SFXN1: variants seen among roughly 807,000 people sequenced by gnomAD.
The protein encoded by SFXN1 is sideroflexin 1.
In SFXN1, 32 loss-of-function variants were observed where a neutral mutation model predicts 39.5. The observed-to-expected ratio is 0.81, with a 90% confidence interval of 0.61 to 1.09. SFXN1 has a LOEUF of 1.09. Ranked by LOEUF, SFXN1 falls within the 50% of genes least tolerant of loss-of-function variation. The pLI is 0.00. For missense variants in SFXN1, 402 were observed against 407.1 expected, an observed-to-expected ratio of 0.99 and a Z score of 0.11; for synonymous variants, 136 against 146.5, an observed-to-expected ratio of 0.93 and a Z score of 0.52.
intron 10 of SFXN1, among the ~76,000 whole-genome samples, chr5:175,524,625 A>T (rs1369072541): frequency 1.3e-5 from 2 of 151,918 alleles, no homozygotes; most frequent in African/African-American, 4.8e-5. Context: ...ACTTAAAAAA[A>T]AAAAAGCACA....
intron 1 of SFXN1, among the ~76,000 whole-genome samples, chr5:175,481,205 TG>T (rs1436315741): frequency 1.3e-5 from 2 of 152,258 alleles, no homozygotes; most frequent in Non-Finnish European, 2.9e-5. Context: ...TTTTTTTAAC[TG>T]TAATAACATC....
In SFXN1 at chr5:175,527,464, T is replaced by C; in HGVS notation, c.*730T>C. ...ATAATCTTACCTTGCAGTTATTGACTTTATATTCAATTATTTACATCAAAT... is the reference window on the plus strand; with the variant it reads ...ATAATCTTACCTTGCAGTTATTGACCTTATATTCAATTATTTACATCAAAT... On this transcript the variant is annotated 3_prime_UTR_variant, in exon 11 of 11. Transcript: ENST00000321442. 6.6e-6 allele frequency: 1 copy of C among 152,266 alleles called. No individual in the cohort carries two copies. Among genetic ancestry groups the C allele is most frequent in the East Asian group, 1.9e-4 (1 of 5,202 alleles). The allele number at this position is 152,266 out of a possible 1,614,324, so 9.4% of individuals were successfully genotyped here.
At chr5:175,521,853 ATCAGAAGATATTGCC>A in intron 8 of SFXN1, 51 bp from the exon 9 acceptor site, 2 of 1,273,872 alleles carry the variant, frequency 1.6e-6, no homozygotes. Flanking sequence ...CTTCCAGTTA[ATCAGAAGATATTGCC>A]TCTAAGACCC....
intron 2 of SFXN1, among the ~76,000 whole-genome samples, chr5:175,495,777 A>C (rs530178143): frequency 6.6e-6 from 1 of 152,068 alleles, no homozygotes; most frequent in African/African-American, 2.4e-5. Flanking sequence ...CGAATCTTTT[A>C]CTACAATAAA....
rs1022660556 is a variant in SFXN1, at chr5:175,516,678, T to G, written c.774+15T>G. The G allele has an allele frequency of 5.0e-6, 8 of 1,610,312 alleles. No homozygotes were observed. Among genetic ancestry groups the G allele is most frequent in the Non-Finnish European group, 6.8e-6 (8 of 1,177,636 alleles). ...CCTTTTTGAAGGTAAGCTGTGGTTC[T>G]TTTGTCATTTTCTCAACCCTTTTTA... is the stretch of plus-strand genomic sequence containing the variant. On this transcript the variant is annotated intron_variant, in intron 8 of 10. Coordinates refer to ENST00000321442, the MANE Select transcript of SFXN1 (RefSeq NM_022754.7).
chr5:175,520,911 C>G (rs1760861090), intron 8 of SFXN1, among the ~76,000 whole-genome samples: 1 of 152,156 alleles, frequency 6.6e-6, no homozygotes, highest in South Asian at 2.1e-4. Flanking sequence ...CCTGTGAAGA[C>G]TAGTTTCCTT....
chr5:175,509,193 C>T lies in SFXN1; in HGVS notation c.326C>T (p.Thr109Met), dbSNP rs775904046. 4 of 1,611,034 alleles carry T rather than the reference C, an allele frequency of 2.5e-6. No individual in the cohort carries two copies. Among genetic ancestry groups the T allele is most frequent in the Non-Finnish European group, 3.4e-6 (4 of 1,178,848 alleles). ...ATGACCATCACAGGTTGTATGATGA[C>T]GTTTTACAGGTATGTTATGAATATG... ...MNMTITGCMM[T>M]FYRTTPAVLF... Residue 109 changes from threonine to methionine, a missense_variant, in exon 3 of 11, where the codon ACG (threonine) becomes ATG (methionine). Coordinates refer to ENST00000321442, the MANE Select transcript of SFXN1 (RefSeq NM_022754.7).
At position 175,494,515 on chromosome 5, in the gene SFXN1, A is replaced by G. The variant is rs188019527; in HGVS notation, c.164+2248A>G. ...ATAATCCCAGCACTTTGGGAGGCCA[A>G]GGTGGGTGGATCGCCTGAGGTCAGG... is the stretch of plus-strand genomic sequence containing the variant. On this transcript the variant is annotated intron_variant, in intron 2 of 10. Transcript: ENST00000321442. Among the ~76,000 whole-genome samples, 46 of 152,308 alleles carry G rather than the reference A, an allele frequency of 3.0e-4. 1 individual carries two copies. The East Asian group carries it at 8.7e-3, about 29-fold the overall frequency.
chr5:175,525,454 G>A (rs538725338), intron 10 of SFXN1, among the ~76,000 whole-genome samples: 1 of 152,064 alleles, frequency 6.6e-6, no homozygotes, highest in South Asian at 2.1e-4. Flanking sequence ...ATCACTCAAA[G>A]GCCCACTACA....
In SFXN1 at chr5:175,516,218, C is replaced by T. The variant is rs377745275; in HGVS notation, c.725-396C>T. On this transcript the variant is annotated intron_variant, in intron 7 of 10. Coordinates refer to ENST00000321442, the MANE Select transcript of SFXN1 (RefSeq NM_022754.7). ...CCAGGGGTTGGGGCCCCTGGTCTAG[C>T]CTGTACGGAAGCAGTTTCTGCCTGA... 7.9e-5 allele frequency among the ~76,000 whole-genome samples: 12 copies of T among 152,268 alleles called. 1 individual carries two copies. The South Asian group carries it at 1.5e-3, about 18-fold the overall frequency.
chr5:175,500,789 G>A lies in SFXN1; in HGVS notation c.165-8243G>A, dbSNP rs114939193. Among the ~76,000 whole-genome samples the A allele has an allele frequency of 3.9e-3, 597 of 152,276 alleles. 7 individuals carry two copies. The highest frequency in any genetic ancestry group is 0.013 in the African/African-American group (550 of 41,570). On this transcript the variant is annotated intron_variant, in intron 2 of 10. Transcript: ENST00000321442. Reference sequence around the variant, plus strand: ...TGTAAGGAGACACATTTAGATCCACGTAACAGAAGAGAATCCTGAAATAGG... The same window carrying A: ...TGTAAGGAGACACATTTAGATCCACATAACAGAAGAGAATCCTGAAATAGG...
chr5:175,513,217 T>C (rs1760583748), intron 6 of SFXN1, among the ~76,000 whole-genome samples: 1 of 147,368 alleles, frequency 6.8e-6, no homozygotes, highest in South Asian at 2.1e-4. Context: ...GGAGAATCGC[T>C]TTGAACCCGG....
chr5:175,527,420 TTTTG>T lies in SFXN1; in HGVS notation c.*689_*692del, dbSNP rs1761101374. ...CTTGGTTGACTTTTAATTTATTGTT[TTTTG>T]TTCTTATAAAGATGATAATCTTACC... On this transcript the variant is annotated 3_prime_UTR_variant, in exon 11 of 11. Coordinates refer to ENST00000321442, the MANE Select transcript of SFXN1 (RefSeq NM_022754.7). 1 of 152,248 alleles carries T rather than the reference TTTTG, an allele frequency of 6.6e-6. No homozygotes were observed. Among genetic ancestry groups the T allele is most frequent in the African/African-American group, 2.4e-5 (1 of 41,464 alleles). The allele number at this position is 152,248 out of a possible 1,614,324, so 9.4% of individuals were successfully genotyped here. A position where few individuals can be genotyped will look rare whatever the true frequency, so the allele number is the denominator to read the frequency against.
intron 6 of SFXN1, 88 bp downstream of exon 6, chr5:175,512,284 T>A (rs1760549305): frequency 2.6e-6 from 3 of 1,161,800 alleles, no homozygotes; most frequent in Non-Finnish European, 3.8e-6. Context: ...TTTCAAATGC[T>A]TGTTTTAATA....
intron 3 of SFXN1, 40 bp from the exon 4 acceptor site, chr5:175,510,069 C>G (rs1760457786): frequency 3.2e-6 from 5 of 1,551,654 alleles, no homozygotes; most frequent in Non-Finnish European, 4.4e-6. Flanking sequence ...CGCGGCTGGG[C>G]CCAGTGATGG....
At chr5:175,484,601 A>G (rs150515868) in intron 1 of SFXN1, among the ~76,000 whole-genome samples, 1 of 152,362 alleles carries the variant, frequency 6.6e-6, no homozygotes, top group East Asian at 1.9e-4. Context: ...GGCCTTAAGG[A>G]TACCAGCATC....
At chr5:175,494,142 G>T (rs1429740956) in intron 2 of SFXN1, among the ~76,000 whole-genome samples, 2 of 152,114 alleles carry the variant, frequency 1.3e-5, no homozygotes, top group South Asian at 4.1e-4. Flanking sequence ...AAAGTAAAAT[G>T]GAATTTTCCT....
Position 175,520,544 on chromosome 5 carries a change from G to T in SFXN1, c.775-1375G>T, listed in dbSNP as rs532300286. 2.0e-5 allele frequency among the ~76,000 whole-genome samples: 3 copies of T among 152,270 alleles called. No individual in the cohort carries two copies. The South Asian group carries it at 6.2e-4, about 32-fold the overall frequency. On this transcript the variant is annotated intron_variant, in intron 8 of 10. Coordinates refer to ENST00000321442, the MANE Select transcript of SFXN1 (RefSeq NM_022754.7). The stretch of plus-strand genomic sequence containing the variant: ...CCTTGGCTGTGCAAAGAGCCTTTCC[G>T]TCAAAACCCTCTGCATGAGCCACAG...
intron 2 of SFXN1, 177 bp downstream of exon 2, chr5:175,492,444 G>T: frequency 1.8e-6 from 1 of 568,484 alleles, no homozygotes; most frequent in Non-Finnish European, 3.0e-6. Context: ...CCCATTGCTC[G>T]CCCTTAACAC....
Sources: allele counts gnomAD v4.1 joint callset (sites outside exome capture counted in the v4.1 genomes callset), GRCh38; gene constraint gnomAD v4.1.1; transcripts MANE v1.5; gene names NCBI Gene and HGNC (gene_info 2026-07-23, HGNC 2026-07-21).